CAMTA2: variants seen among roughly 807,000 people sequenced by gnomAD.
CAMTA2 encodes the protein calmodulin-binding transcription activator 2.
A neutral mutation model predicts 135.7 loss-of-function variants in CAMTA2; 56 were observed. That is an observed-to-expected ratio of 0.41 (90% CI 0.33 to 0.52). The LOEUF (loss-of-function observed/expected upper bound fraction) is 0.52. Ranked by LOEUF, CAMTA2 falls within the 20% of genes least tolerant of loss-of-function variation. The pLI is 0.16. For missense variants in CAMTA2, 1,358 were observed against 1,553.4 expected, an observed-to-expected ratio of 0.87 and a Z score of 2.11; for synonymous variants, 591 against 604.6, an observed-to-expected ratio of 0.98 and a Z score of 0.33.
At position 4,968,612 on chromosome 17, in the gene CAMTA2, G is replaced by C. The variant is rs1176333549; in HGVS notation, c.*144C>G. On this transcript the variant is annotated 3_prime_UTR_variant, in exon 23 of 23. Transcript: ENST00000348066. ...GAGAGGGGTGTGGGAGCAAGGCGTG[G>C]GGAGGAGGGAGGAGGCCTACAGAGG... 2.5e-6 allele frequency: 2 copies of C among 803,448 alleles called. No homozygotes were observed. Among genetic ancestry groups the C allele is most frequent in the Non-Finnish European group, 4.1e-6 (2 of 487,332 alleles). 49.8% of individuals were successfully genotyped at this position (803,448 alleles called of 1,614,324 possible). A position where few individuals can be genotyped will look rare whatever the true frequency, so the allele number is the denominator to read the frequency against.
chr17:4,982,703 A>C, intron 5 of CAMTA2, 54 bp downstream of exon 5: 1 of 1,602,268 alleles, frequency 6.2e-7, no homozygotes, highest in Non-Finnish European at 8.5e-7. Context: ...GAGCCCAGCT[A>C]AGGGTGGAGG....
rs758832317 is a variant in CAMTA2 at position 4,981,655 on chromosome 17, C to G, written c.565+23G>C. 9 of 1,571,804 alleles carry G rather than the reference C, an allele frequency of 5.7e-6. No individual in the cohort carries two copies. The South Asian group carries it at 6.9e-5, about 12-fold the overall frequency. ...CTGTTTCTACTCTCCCCTTGGAGCTCTATCCCCACCCTGCTGCCTTACACA... is the reference window on the plus strand; with the variant it reads ...CTGTTTCTACTCTCCCCTTGGAGCTGTATCCCCACCCTGCTGCCTTACACA... On this transcript the variant is annotated intron_variant, in intron 7 of 22. Coordinates refer to ENST00000348066, the MANE Select transcript of CAMTA2 (RefSeq NM_015099.4).
chr17:4,981,325 T>C lies in CAMTA2; in HGVS notation c.600A>G (p.Thr200=). Residue 200 remains threonine (T), a synonymous_variant, in exon 8 of 23, where the codon ACA becomes ACG. Coordinates refer to ENST00000348066, the MANE Select transcript of CAMTA2 (RefSeq NM_015099.4). ...CCAGGTGTTCTACAGAGAACTCTTC[T>C]GTTCCATTCCCGCAGCTCCACTTGA... is the stretch of plus-strand genomic sequence containing the variant. ...HGIKWSCGNG[T]EEFSVEHLVQ... 6.2e-7 allele frequency: 1 copy of C among 1,614,122 alleles called. No individual in the cohort carries two copies. The highest frequency in any genetic ancestry group is 8.5e-7 in the Non-Finnish European group (1 of 1,179,970).
intron 11 of CAMTA2, among the ~76,000 whole-genome samples, chr17:4,976,799 T>G (rs963105118): frequency 2.6e-5 from 4 of 152,100 alleles, no homozygotes; most frequent in Admixed American, 1.3e-4. Context: ...CTCTTAGCCT[T>G]CCTTGTCTAG....
At chr17:4,985,758 C>T in intron 3 of CAMTA2, 122 bp downstream of exon 3, 1 of 695,376 alleles carries the variant, frequency 1.4e-6, no homozygotes, top group African/African-American at 1.8e-5. Context: ...CTAGGATCCC[C>T]AAAGAGCTTA....
intron 16 of CAMTA2, 124 bp downstream of exon 16, chr17:4,972,108 C>A (rs1597731296): frequency 2.5e-6 from 2 of 806,296 alleles, no homozygotes; most frequent in African/African-American, 3.4e-5. Context: ...CCTTGCCTGT[C>A]CCAAAATGAA....
At chr17:4,974,881 T>C (rs1186120869) in intron 11 of CAMTA2, among the ~76,000 whole-genome samples, 1 of 152,104 alleles carries the variant, frequency 6.6e-6, no homozygotes, top group African/African-American at 2.4e-5. Flanking sequence ...ACTACCTTTG[T>C]CCCCCATGGT....
In CAMTA2 at chr17:4,980,154, A is replaced by G; in HGVS notation, c.1168T>C (p.Tyr390His). 6.3e-7 allele frequency: 1 copy of G among 1,586,666 alleles called. No homozygotes were observed. Among genetic ancestry groups the G allele is most frequent in the Non-Finnish European group, 8.6e-7 (1 of 1,166,010 alleles). The stretch of plus-strand genomic sequence containing the variant: ...GGGCTTACTCCCTGCCCCCCTCCAT[A>G]TGTCTGGCCCCTCTGGGGGCTGTTG... The part of the protein sequence containing the change: ...FLNSPQRGQT[Y>H]GGGQGVSPDF... The change falls in exon 9 of 23, where the codon TAT becomes CAT. Residue 390 changes from tyrosine to histidine, a missense_variant. By Grantham distance (83) the Tyr-to-His change is moderately conservative. This residue lies in a region of CAMTA2 where 1,077 missense variants were observed against 1,127.5 expected (regional missense o/e 0.96). Coordinates refer to ENST00000348066, the MANE Select transcript of CAMTA2 (RefSeq NM_015099.4). The surrounding 1 kb of genome is among the most constrained non-coding windows in gnomAD (Gnocchi z 5.3).
intron 1 of CAMTA2, chr17:4,987,340 C>T: frequency 2.2e-6 from 3 of 1,343,758 alleles, no homozygotes; most frequent in Non-Finnish European, 9.5e-7. Context: ...TCCGCGGGCA[C>T]GCGGTGGGCG....
At position 4,968,516 on chromosome 17, in the gene CAMTA2, T is replaced by C; in HGVS notation, c.*240A>G. On this transcript the variant is annotated 3_prime_UTR_variant, in exon 23 of 23. Coordinates refer to ENST00000348066, the MANE Select transcript of CAMTA2 (RefSeq NM_015099.4). ...GGGCTCCGGAGGTCACAGCGGAAGA[T>C]GCAGGTATGTGGGGCGCGGGTTTTC... is the stretch of plus-strand genomic sequence containing the variant. 1 of 581,820 alleles carries C rather than the reference T, an allele frequency of 1.7e-6. No individual in the cohort carries two copies. 36.0% of individuals were successfully genotyped at this position (581,820 alleles called of 1,614,324 possible). A position where few individuals can be genotyped will look rare whatever the true frequency, so the allele number is the denominator to read the frequency against.
In CAMTA2 at chr17:4,974,367, CCCT is replaced by C; in HGVS notation, c.2016+15_2016+17del. 1.3e-6 allele frequency: 2 copies of C among 1,517,960 alleles called. No individual in the cohort carries two copies. The highest frequency in any genetic ancestry group is 9.2e-7 in the Non-Finnish European group (1 of 1,092,576). The allele number at this position is 1,517,960 out of a possible 1,614,324, so 94.0% of individuals were successfully genotyped here. A position where few individuals can be genotyped will look rare whatever the true frequency, so the allele number is the denominator to read the frequency against. ...CCCTGCTCCCCACCGTAGACCACCT[CCCT>C]CCTCACAGAAGTACCTGAACTGGAG... is the stretch of plus-strand genomic sequence containing the variant. On this transcript the variant is annotated intron_variant, in intron 12 of 22. Coordinates refer to ENST00000348066, the MANE Select transcript of CAMTA2 (RefSeq NM_015099.4).
Position 4,972,881 on chromosome 17 carries a change from A to C in CAMTA2, c.2391T>G (p.Ala797=), listed in dbSNP as rs769945847. The change falls in exon 15 of 23, where the codon GCT becomes GCG. Residue 797 remains alanine, a synonymous_variant. Transcript: ENST00000348066. ...DSLGRLPLSV[A]HSRGHVRLAR... is the part of the protein sequence containing the mutation. The stretch of plus-strand genomic sequence containing the variant: ...CAAGGCGCACATGACCCCGGGAATG[A>C]GCCACAGACAATGGCAGACGGCCCA... The C allele has an allele frequency of 6.2e-7, 1 of 1,613,910 alleles. No homozygotes were observed. Among genetic ancestry groups the C allele is most frequent in the Non-Finnish European group, 8.5e-7 (1 of 1,180,010 alleles).
chr17:4,969,083 G>C lies in CAMTA2; in HGVS notation c.3470+67C>G. 2 of 1,584,462 alleles carry C rather than the reference G, an allele frequency of 1.3e-6. No homozygotes were observed. Among genetic ancestry groups the C allele is most frequent in the South Asian group, 1.1e-5 (1 of 89,794 alleles). The stretch of plus-strand genomic sequence containing the variant: ...AATGGCAGTGAGGCATGATGATCAA[G>C]AGGATGAGTAAGGGGGAATGGCGTG... On this transcript the variant is annotated intron_variant, in intron 21 of 22. Coordinates refer to ENST00000348066, the MANE Select transcript of CAMTA2 (RefSeq NM_015099.4). This position sits in a 1 kb window ranked among gnomAD's most constrained non-coding sequence, Gnocchi z 5.6.
chr17:4,969,214 G>A lies in CAMTA2; in HGVS notation c.3406C>T (p.Arg1136Cys), dbSNP rs1972105385. The change falls in exon 21 of 23, where the codon CGC (arginine) becomes TGC (cysteine). Residue 1136 changes from arginine to cysteine, a missense_variant. By Grantham distance (180) the Arg-to-Cys change is radical (BLOSUM62 -3). Transcript: ENST00000348066. The surrounding 1 kb of genome is among the most constrained non-coding windows in gnomAD (Gnocchi z 5.6). ...RAAVLIQQHY[R>C]SYRRRPGPPH... ...GGGCCGGGCCTGCGGCGGTAGGAGCGGTAGTGCTGCTGGATGAGCACAGCC... is the reference window on the plus strand; with the variant it reads ...GGGCCGGGCCTGCGGCGGTAGGAGCAGTAGTGCTGCTGGATGAGCACAGCC... The A allele has an allele frequency of 6.2e-7, 1 of 1,612,896 alleles. No individual in the cohort carries two copies. Among genetic ancestry groups the A allele is most frequent in the Admixed American group, 1.7e-5 (1 of 59,992 alleles).
intron 7 of CAMTA2, 103 bp downstream of exon 7, chr17:4,981,575 G>C (rs1160218582): frequency 9.4e-6 from 13 of 1,390,064 alleles, no homozygotes; most frequent in Admixed American, 2.3e-5. Context: ...CCAGCTTGGA[G>C]GGAGATGATC....
chr17:4,973,197 TC>T lies in CAMTA2; in HGVS notation c.2257del (p.Asp753IlefsTer8). 1 of 1,613,678 alleles carries T rather than the reference TC, an allele frequency of 6.2e-7. No individual in the cohort carries two copies. The highest frequency in any genetic ancestry group is 8.5e-7 in the Non-Finnish European group (1 of 1,179,928). On this transcript the variant is annotated frameshift_variant, in exon 14 of 23. Coordinates refer to ENST00000348066, the MANE Select transcript of CAMTA2 (RefSeq NM_015099.4). LOFTEE classifies it high-confidence loss of function. ...LEQEVDPLNV[D>X]HFSCTPLMWA... ...CACCAGAGGGGTGCAAGAGAAATGA[TC>T]CACGTTGAGCGGGTCAACCTCCTGC...
chr17:4,981,930 C>T (rs1253661414), intron 6 of CAMTA2, 99 bp from the exon 7 acceptor site: 5 of 1,364,814 alleles, frequency 3.7e-6, no homozygotes, highest in South Asian at 1.3e-5. Context: ...CCTAACCTCG[C>T]CCCCAATTTC....
At chr17:4,971,306 A>G (rs1283432800) in intron 16 of CAMTA2, among the ~76,000 whole-genome samples, 4 of 152,194 alleles carry the variant, frequency 2.6e-5, no homozygotes, top group Non-Finnish European at 1.5e-5. Flanking sequence ...GTCCCTACAT[A>G]GATCAACGGT....
Position 4,977,049 on chromosome 17 carries a change from G to A in CAMTA2, c.1900+9C>T. 1 of 1,614,068 alleles carries A rather than the reference G, an allele frequency of 6.2e-7. No homozygotes were observed. Among genetic ancestry groups the A allele is most frequent in the South Asian group, 1.1e-5 (1 of 91,068 alleles). The stretch of plus-strand genomic sequence containing the variant: ...CTGGATACTTGGGTTCAGAGGGCTG[G>A]GTACTCACCGTCCAGTGACAGCCAG... On this transcript the variant is annotated intron_variant, in intron 11 of 22. Transcript: ENST00000348066.
Sources: gnomAD v4.1 joint callset for allele counts (sites outside exome capture counted in the v4.1 genomes callset) on GRCh38, gnomAD v4.1.1 for gene constraint, gnomAD v4.1.1 regional missense constraint, Gnocchi (gnomAD v3.1) non-coding constraint, MANE v1.5 for transcripts, NCBI Gene and HGNC (gene_info 2026-07-23, HGNC 2026-07-21) for gene names.